PPP4R3B: variants seen among roughly 807,000 people sequenced by gnomAD.
The protein encoded by PPP4R3B is serine/threonine-protein phosphatase 4 regulatory subunit 3B.
Under a neutral mutation model 95.4 loss-of-function variants are expected in PPP4R3B, and 52 were observed. The ratio of observed to expected loss-of-function variants is 0.54; its 90% CI spans 0.44 to 0.69. The LOEUF is 0.69. PPP4R3B is among the 30% of genes least tolerant of loss of function. The probability of loss-of-function intolerance (pLI) is 0.00; values close to 1 mark genes in which losing one functional copy is unlikely to be tolerated. For missense variants in PPP4R3B, 1,003 were observed against 1,005.9 expected (o/e 1.00, Z 0.04); for synonymous variants, 407 against 343.9 (o/e 1.18, Z -2.03).
chr2:55,564,096 G>A (rs1686975617), intron 15 of PPP4R3B, among the ~76,000 whole-genome samples: 1 of 152,126 alleles, frequency 6.6e-6, no homozygotes, highest in Non-Finnish European at 1.5e-5. Context: ...CAAATTAACA[G>A]CATTACAAAA....
In PPP4R3B at chr2:55,581,597, A is replaced by C; in HGVS notation, c.1335T>G (p.Ile445Met). ...VQLMGLLRTL[I>M]DPENMLATTN... ...TTGTAGCCAGCATGTTCTCTGGATCAATTAGAGTACGAAGAAGTCCCATTA... is the reference window on the plus strand; with the variant it reads ...TTGTAGCCAGCATGTTCTCTGGATCCATTAGAGTACGAAGAAGTCCCATTA... The change falls in exon 8 of 17, where the codon ATT (isoleucine) becomes ATG (methionine). Residue 445 changes from isoleucine (I) to methionine (M), a missense_variant. Physicochemically the swap from Ile to Met is conservative, Grantham distance 10 (BLOSUM62 1). This residue lies in a region of PPP4R3B where 695 missense variants were observed against 686.2 expected (regional missense o/e 1.01). Coordinates refer to ENST00000616407, the MANE Select transcript of PPP4R3B (RefSeq NM_001122964.3). The C allele has an allele frequency of 6.2e-7, 1 of 1,613,472 alleles. No homozygotes were observed. Among genetic ancestry groups the C allele is most frequent in the Non-Finnish European group, 8.5e-7 (1 of 1,179,650 alleles).
chr2:55,613,354 CA>C lies in PPP4R3B; in HGVS notation c.198+2096del, dbSNP rs552114971. On this transcript the variant is annotated intron_variant, in intron 2 of 16. Coordinates refer to ENST00000616407, the MANE Select transcript of PPP4R3B (RefSeq NM_001122964.3). Reference sequence around the variant, plus strand: ...CTTATACACCTGAATGTTATGTTGCCAAAAAAAAAAAGCCCAACGAAAAAAT... The same window carrying C: ...CTTATACACCTGAATGTTATGTTGCCAAAAAAAAAAGCCCAACGAAAAAAT... 1.5e-3 allele frequency among the ~76,000 whole-genome samples: 206 copies of C among 134,472 alleles called. 1 individual carries two copies. The highest frequency in any genetic ancestry group is 2.5e-3 in the Admixed American group (33 of 13,058). The allele number at this position is 134,472 out of a possible 152,430, so 88.2% of individuals were successfully genotyped here. A position where few individuals can be genotyped will look rare whatever the true frequency, so the allele number is the denominator to read the frequency against.
intron 2 of PPP4R3B, 110 bp downstream of exon 2, chr2:55,615,341 T>C: frequency 1.2e-6 from 1 of 856,580 alleles, no homozygotes; most frequent in Non-Finnish European, 1.8e-6. Flanking sequence ...ATGATCTTTG[T>C]TTACCAAACA....
intron 16 of PPP4R3B, among the ~76,000 whole-genome samples, chr2:55,554,036 G>T (rs142417082): frequency 3.4e-3 from 525 of 152,232 alleles, no homozygotes; most frequent in Non-Finnish European, 5.1e-3. Context: ...TTGGGGAACC[G>T]CCAGACTGTA....
chr2:55,586,791 T>C (rs780034993), intron 5 of PPP4R3B, 57 bp from the exon 6 acceptor site: 15 of 1,014,194 alleles, frequency 1.5e-5, no homozygotes, highest in East Asian at 1.2e-4. Context: ...GGGCACACTA[T>C]AGTAATCATC....
chr2:55,562,937 G>T (rs1050923106), intron 15 of PPP4R3B, among the ~76,000 whole-genome samples: 1 of 152,104 alleles, frequency 6.6e-6, no homozygotes, highest in East Asian at 1.9e-4. Flanking sequence ...GATCAAGTCC[G>T]TAAGTCCTAA....
intron 15 of PPP4R3B, among the ~76,000 whole-genome samples, chr2:55,563,215 T>G (rs1323098173): frequency 6.6e-6 from 1 of 152,190 alleles, no homozygotes; most frequent in Non-Finnish European, 1.5e-5. Context: ...CAAATAAAAC[T>G]TATCAAACTA....
intron 11 of PPP4R3B, among the ~76,000 whole-genome samples, chr2:55,574,212 T>TC (rs1168672053): frequency 2.0e-5 from 3 of 151,560 alleles, no homozygotes; most frequent in Non-Finnish European, 4.4e-5. Flanking sequence ...CATTTTCATA[T>TC]CCATTTAAAA....
chr2:55,602,980 A>T (rs1471755331), intron 3 of PPP4R3B, among the ~76,000 whole-genome samples: 16 of 150,216 alleles, frequency 1.1e-4, no homozygotes, highest in Non-Finnish European at 5.9e-5. Flanking sequence ...TTTTTGAGAC[A>T]GTCTTACTCT....
chr2:55,573,721 C>A lies in PPP4R3B; in HGVS notation c.1663G>T (p.Val555Leu). Residue 555 changes from valine (V) to leucine (L), a missense_variant, in exon 12 of 17, where the codon GTG (valine) becomes TTG (leucine). Transcript: ENST00000616407. Reference sequence around the variant, plus strand: ...TTTATGTGATATGTGTGATGTTCCACACAAAATGTGAGTAACTCTAAAATT... The same window carrying A: ...TTTATGTGATATGTGTGATGTTCCAAACAAAATGTGAGTAACTCTAAAATT... ...ALILELLTFCVEHHTYHIKNY... is the reference protein window; with the variant it reads ...ALILELLTFCLEHHTYHIKNY... The A allele has an allele frequency of 6.5e-7, 1 of 1,543,024 alleles. No individual in the cohort carries two copies. The highest frequency in any genetic ancestry group is 8.7e-7 in the Non-Finnish European group (1 of 1,144,548).
intron 14 of PPP4R3B, 99 bp from the exon 15 acceptor site, chr2:55,564,596 T>C: frequency 1.9e-6 from 2 of 1,033,470 alleles, no homozygotes; most frequent in Non-Finnish European, 2.7e-6. Flanking sequence ...ACTGAAGTAA[T>C]TTTAACTGAC....
In PPP4R3B at chr2:55,615,500, A is replaced by G. The variant is rs767641231; in HGVS notation, c.149T>C (p.Leu50Pro). 6.9e-6 allele frequency: 11 copies of G among 1,584,618 alleles called. No homozygotes were observed. Among genetic ancestry groups the G allele is most frequent in the South Asian group, 1.1e-5 (1 of 87,100 alleles). Residue 50 changes from leucine to proline, a missense_variant, in exon 2 of 17, where the codon CTA (leucine) becomes CCA (proline). Coordinates refer to ENST00000616407, the MANE Select transcript of PPP4R3B (RefSeq NM_001122964.3). ...LLVRAESDGS[L>P]LLESKINPNT... ...TGGATTTATCTTTGATTCCAAGAGT[A>G]GTGATCCTGAAAGATAAAAAATAAT...
intron 16 of PPP4R3B, among the ~76,000 whole-genome samples, chr2:55,557,308 T>C (rs1685980369): frequency 6.6e-6 from 1 of 152,174 alleles, no homozygotes; most frequent in Non-Finnish European, 1.5e-5. Flanking sequence ...TTCTCCTGCC[T>C]GACTCTTGAG....
chr2:55,551,779 G>C (rs1164526878), intron 16 of PPP4R3B, among the ~76,000 whole-genome samples: 1 of 142,844 alleles, frequency 7.0e-6, no homozygotes, highest in East Asian at 2.2e-4. Context: ...TAAATAAATA[G>C]ATAACCAAAC....
At chr2:55,597,656 C>T (rs1691987455) in intron 4 of PPP4R3B, among the ~76,000 whole-genome samples, 1 of 73,504 alleles carries the variant, frequency 1.4e-5, no homozygotes, top group African/African-American at 5.1e-5. Context: ...ACAAAACTAG[C>T]TCGGCGTGGA....
chr2:55,607,049 G>GT (rs1693513316), intron 2 of PPP4R3B, among the ~76,000 whole-genome samples: 1 of 152,088 alleles, frequency 6.6e-6, no homozygotes, highest in Non-Finnish European at 1.5e-5. Flanking sequence ...AGTTAGGATA[G>GT]TTTAAGTTAC....
rs1052420265 is a variant in PPP4R3B, at chr2:55,580,141, C to T, written c.1366-360G>A. 5.9e-5 allele frequency among the ~76,000 whole-genome samples: 9 copies of T among 151,934 alleles called. 1 individual carries two copies. Among genetic ancestry groups the T allele is most frequent in the Admixed American group, 2.0e-4 (3 of 15,252 alleles). ...ATTTTTTAAAAAGATGCCTGTGATA[C>T]GAATATGAAACGCAGTGAAGAACCA... On this transcript the variant is annotated intron_variant, in intron 8 of 16. Coordinates refer to ENST00000616407, the MANE Select transcript of PPP4R3B (RefSeq NM_001122964.3).
rs1442814891 is a variant in PPP4R3B, at chr2:55,547,704, G to T, written c.*2207C>A. 6.6e-6 allele frequency: 1 copy of T among 152,158 alleles called. No individual in the cohort carries two copies. The highest frequency in any genetic ancestry group is 1.5e-5 in the Non-Finnish European group (1 of 68,034). 9.4% of individuals were successfully genotyped at this position (152,158 alleles called of 1,614,324 possible). Reference sequence around the variant, plus strand: ...ATAGGGAGGCTGAGGCGGGTGGATTGTGAGGTCAGGAGTTTAAGACCAGCC... The same window carrying T: ...ATAGGGAGGCTGAGGCGGGTGGATTTTGAGGTCAGGAGTTTAAGACCAGCC... On this transcript the variant is annotated 3_prime_UTR_variant, in exon 17 of 17. Coordinates refer to ENST00000616407, the MANE Select transcript of PPP4R3B (RefSeq NM_001122964.3).
chr2:55,558,862 T>G lies in PPP4R3B; in HGVS notation c.2367A>C (p.Lys789Asn). The change falls in exon 16 of 17, where the codon AAA becomes AAC. Residue 789 changes from lysine (K) to asparagine (N), a missense_variant. By Grantham distance (94) the Lys-to-Asn change is moderately conservative. This residue lies in a region of PPP4R3B where 229 missense variants were observed against 194.7 expected (regional missense o/e 1.18). Coordinates refer to ENST00000616407, the MANE Select transcript of PPP4R3B (RefSeq NM_001122964.3). ...CTGGTGGTATCTGAGCCACTACAGA[T>G]TTACTGTTTGTTCCATTAGCAGCAC... ...SASAANGTNSKSVVAQIPPAT... is the reference protein window; with the variant it reads ...SASAANGTNSNSVVAQIPPAT... 1 of 1,614,086 alleles carries G rather than the reference T, an allele frequency of 6.2e-7. No individual in the cohort carries two copies. Among genetic ancestry groups the G allele is most frequent in the Non-Finnish European group, 8.5e-7 (1 of 1,179,972 alleles).
Sources: gnomAD v4.1 joint callset for allele counts (sites outside exome capture counted in the v4.1 genomes callset) on GRCh38, gnomAD v4.1.1 for gene constraint, gnomAD v4.1.1 regional missense constraint, MANE v1.5 for transcripts, NCBI Gene and HGNC (gene_info 2026-07-23, HGNC 2026-07-21) for gene names.